TNRC6A: variants seen among roughly 807,000 people sequenced by gnomAD.
The protein encoded by TNRC6A is trinucleotide repeat containing adaptor 6A, also known as trinucleotide repeat-containing gene 6A protein.
A neutral mutation model predicts 221.2 loss-of-function variants in TNRC6A; 44 were observed. That is an observed-to-expected ratio of 0.20 (90% CI 0.16 to 0.26). The LOEUF is 0.26. Among genes scored for constraint, TNRC6A ranks in the 10% least tolerant of loss-of-function variants. The probability of loss-of-function intolerance (pLI) is 1.00; values close to 1 mark genes in which losing one functional copy is unlikely to be tolerated. For synonymous variants in TNRC6A, 847 were observed against 838.5 expected (o/e 1.01, Z -0.18); for missense variants, 2,199 against 2,404.4 (o/e 0.91, Z 1.79).
In TNRC6A at chr16:24,823,219, CAG is replaced by C. The variant is rs2058803191; in HGVS notation, c.5513+209_5514-209del. On this transcript the variant is annotated intron_variant, in intron 24 of 24. Transcript: ENST00000395799. The surrounding 1 kb of genome is among the most constrained non-coding windows in gnomAD (Gnocchi z 4.3). ...AGTCCCTTACGTTGCCCATGGCAGA[CAG>C]AGGAAGTTCGCTCTGGGCAAGGCAC... Among the ~76,000 whole-genome samples the C allele has an allele frequency of 6.6e-6, 1 of 152,216 alleles. No homozygotes were observed. The highest frequency in any genetic ancestry group is 2.4e-5 in the African/African-American group (1 of 41,452).
At position 24,822,736 on chromosome 16, in the gene TNRC6A, G is replaced by A. The variant is rs1450455082; in HGVS notation, c.5374-138G>A. 12 of 1,220,576 alleles carry A rather than the reference G, an allele frequency of 9.8e-6. 1 individual carries two copies. Among genetic ancestry groups the A allele is most frequent in the African/African-American group, 4.5e-5 (3 of 66,578 alleles). The allele number at this position is 1,220,576 out of a possible 1,614,324, so 75.6% of individuals were successfully genotyped here. On this transcript the variant is annotated intron_variant, in intron 23 of 24. Transcript: ENST00000395799. ...TGGCTCTGCACCCCGTCAGAGCAACGTCAGAGTGTCAGTGAAGAGTGGTGC... is the reference window on the plus strand; with the variant it reads ...TGGCTCTGCACCCCGTCAGAGCAACATCAGAGTGTCAGTGAAGAGTGGTGC...
At chr16:24,668,660 ACCCTGCCTTTCCCGC>A (rs1419551166) in intron 2 of TNRC6A, among the ~76,000 whole-genome samples, 1 of 152,054 alleles carries the variant, frequency 6.6e-6, no homozygotes, top group African/African-American at 2.4e-5. Context: ...CCTACTTCTT[ACCCTGCCTTTCCCGC>A]CCCCTCTGAG....
intron 4 of TNRC6A, among the ~76,000 whole-genome samples, chr16:24,769,855 C>T (rs2112785): frequency 0.33 from 49,649 of 151,950 alleles, 8,482 homozygotes; most frequent in East Asian, 0.47. Flanking sequence ...TCTTGTTTTG[C>T]ATAGATCCAG....
At chr16:24,714,603 C>A (rs1437135319) in intron 2 of TNRC6A, among the ~76,000 whole-genome samples, 1 of 152,084 alleles carries the variant, frequency 6.6e-6, no homozygotes, top group African/African-American at 2.4e-5. Flanking sequence ...CTGCGCCCAG[C>A]CTGCTGTTAA....
intron 2 of TNRC6A, among the ~76,000 whole-genome samples, chr16:24,721,551 A>G (rs1394399089): frequency 6.6e-6 from 1 of 152,160 alleles, no homozygotes; most frequent in African/African-American, 2.4e-5. Context: ...TATGCCTGTA[A>G]TCCCAGCACT....
intron 2 of TNRC6A, among the ~76,000 whole-genome samples, chr16:24,697,029 G>A (rs1367174470): frequency 6.6e-6 from 1 of 152,160 alleles, no homozygotes; most frequent in East Asian, 1.9e-4. Flanking sequence ...GTTAGTGAGT[G>A]ACTATGGTTC....
intron 7 of TNRC6A, 35 bp from the exon 8 acceptor site, chr16:24,794,509 G>C: frequency 1.3e-6 from 2 of 1,583,228 alleles, no homozygotes; most frequent in South Asian, 2.3e-5. Flanking sequence ...TTTTATTAAA[G>C]TATGTTTCTC....
intron 18 of TNRC6A, among the ~76,000 whole-genome samples, chr16:24,810,005 G>T (rs909423000): frequency 3.3e-5 from 5 of 152,142 alleles, no homozygotes; most frequent in African/African-American, 9.7e-5. Context: ...TAGAGACAGG[G>T]TTTCATCATG....
At chr16:24,816,466 A>C (rs537241347) in intron 19 of TNRC6A, 1 of 186,584 alleles carries the variant, frequency 5.4e-6, no homozygotes, top group East Asian at 1.6e-4. Context: ...TGATTGCACC[A>C]CTACACTCCA....
At chr16:24,756,418 G>A (rs964501145) in intron 3 of TNRC6A, among the ~76,000 whole-genome samples, 6 of 152,128 alleles carry the variant, frequency 3.9e-5, no homozygotes, top group East Asian at 1.9e-4. Context: ...TCTTAGTTCC[G>A]TTTCTTCCCA....
chr16:24,727,025 CTTTT>C (rs371206942), upstream of TNRC6A, among the ~76,000 whole-genome samples: 1 of 138,704 alleles, frequency 7.2e-6, no homozygotes. Flanking sequence ...GAAATCACAT[CTTTT>C]TTTTTTTTTT....
intron 2 of TNRC6A, among the ~76,000 whole-genome samples, chr16:24,695,609 A>G (rs1029032546): frequency 2.0e-5 from 3 of 151,960 alleles, no homozygotes; most frequent in African/African-American, 7.3e-5. Context: ...CATTTTGATC[A>G]GGCTGGTCTC....
chr16:24,662,491 A>AAC (rs1046239530), intron 2 of TNRC6A: 4 of 147,484 alleles, frequency 2.7e-5, no homozygotes, highest in African/African-American at 1.1e-4. Flanking sequence ...CTCAGAAAAA[A>AAC]ACAAAAAAAA....
In TNRC6A at chr16:24,791,230, A is replaced by G. The variant is rs1450716017; in HGVS notation, c.2588A>G (p.Asn863Ser). The G allele has an allele frequency of 1.2e-6, 2 of 1,614,214 alleles. No individual in the cohort carries two copies. Among genetic ancestry groups the G allele is most frequent in the Admixed American group, 1.7e-5 (1 of 60,028 alleles). Residue 863 changes from asparagine to serine, a missense_variant, in exon 6 of 25, where the codon AAT becomes AGT. Coordinates refer to ENST00000395799, the MANE Select transcript of TNRC6A (RefSeq NM_014494.4). ...GATAACTGGGGAGAAACTTCAAGGA[A>G]TAACCATTGGGGTGAGGCCAATAAG... Reference protein sequence around the residue: ...ASDNWGETSRNNHWGEANKKS... With the variant: ...ASDNWGETSRSNHWGEANKKS...
chr16:24,809,095 A>G (rs55798335), intron 17 of TNRC6A, among the ~76,000 whole-genome samples: 10,198 of 152,286 alleles, frequency 0.067, 419 homozygotes, highest in Middle Eastern at 0.088. Context: ...AGCTAAACAG[A>G]TACATTTTAT....
chr16:24,793,395 G>T, intron 6 of TNRC6A, 78 bp from the exon 7 acceptor site: 2 of 1,169,226 alleles, frequency 1.7e-6, no homozygotes, highest in Non-Finnish European at 2.2e-6. Flanking sequence ...TGGTCCCTAA[G>T]TTTTCTTTAT....
At chr16:24,707,681 A>C (rs1045471035) in intron 2 of TNRC6A, among the ~76,000 whole-genome samples, 3 of 152,208 alleles carry the variant, frequency 2.0e-5, no homozygotes, top group Admixed American at 2.0e-4. Flanking sequence ...AATACATAAA[A>C]ACACACAAAA....
At chr16:24,807,063 T>C (rs566390051) in intron 17 of TNRC6A, among the ~76,000 whole-genome samples, 4 of 151,690 alleles carry the variant, frequency 2.6e-5, no homozygotes, top group Non-Finnish European at 2.9e-5. Flanking sequence ...TGGAGTGCAG[T>C]GGTGAGATCT....
In TNRC6A at chr16:24,729,805, C is replaced by T. The variant is rs1398738561; in HGVS notation, c.-37C>T. ...GGAGGGCTTGAGGCTCGCGAGCCTC[C>T]TTCGCCGCGCCCCACTTGCTCGTGC... On this transcript the variant is annotated 5_prime_UTR_variant, in exon 1 of 25. Coordinates refer to ENST00000395799, the MANE Select transcript of TNRC6A (RefSeq NM_014494.4). 1 of 1,407,822 alleles carries T rather than the reference C, an allele frequency of 7.1e-7. No individual in the cohort carries two copies. The allele number at this position is 1,407,822 out of a possible 1,614,324, so 87.2% of individuals were successfully genotyped here.
Sources: allele counts gnomAD v4.1 joint callset (sites outside exome capture counted in the v4.1 genomes callset), GRCh38; gene constraint gnomAD v4.1.1; non-coding constraint Gnocchi (gnomAD v3.1); transcripts MANE v1.5; gene names NCBI Gene and HGNC (gene_info 2026-07-23, HGNC 2026-07-21).